Variants in RPRD1B observed in about 807,000 individuals in gnomAD.
RPRD1B encodes the protein regulation of nuclear pre-mRNA domain-containing protein 1B.
RPRD1B carries 11 observed loss-of-function variants against 41.5 expected under a neutral mutation model. That is an observed-to-expected ratio of 0.27 (90% CI 0.17 to 0.44). The LOEUF is 0.44. Ranked by LOEUF, RPRD1B falls within the 20% of genes least tolerant of loss-of-function variation. The pLI is 1.00. For missense variants in RPRD1B, 248 were observed against 389.9 expected (o/e 0.64, Z 3.06); for synonymous variants, 158 against 155.6 (o/e 1.02, Z -0.12).
At chr20:38,079,350 T>G (rs976953723) in intron 6 of RPRD1B, among the ~76,000 whole-genome samples, 1 of 152,098 alleles carries the variant, frequency 6.6e-6, no homozygotes. Context: ...TACAGATAAT[T>G]TTGTCATCCA....
At chr20:38,056,592 C>G (rs1490460474) in intron 3 of RPRD1B, among the ~76,000 whole-genome samples, 2 of 151,936 alleles carry the variant, frequency 1.3e-5, no homozygotes, top group South Asian at 4.2e-4. Context: ...TGAGAGGGTA[C>G]CTGTGTGGTG....
chr20:38,073,535 G>T (rs2074431425), intron 6 of RPRD1B, among the ~76,000 whole-genome samples: 1 of 152,212 alleles, frequency 6.6e-6, no homozygotes, highest in Admixed American at 6.5e-5. Context: ...TTTGGCTACA[G>T]TTGAAGGGGT....
intron 6 of RPRD1B, among the ~76,000 whole-genome samples, chr20:38,076,980 G>T (rs748580853): frequency 1.5e-5 from 2 of 129,532 alleles, no homozygotes; most frequent in African/African-American, 3.1e-5. Flanking sequence ...GCAGTGGTGC[G>T]ATCTGGACTC....
intron 6 of RPRD1B, among the ~76,000 whole-genome samples, chr20:38,074,363 GA>G (rs987732200): frequency 6.6e-6 from 1 of 152,098 alleles, no homozygotes; most frequent in African/African-American, 2.4e-5. Context: ...ATTACAATGT[GA>G]AACCTATGAT....
intron 3 of RPRD1B, among the ~76,000 whole-genome samples, chr20:38,053,869 A>G (rs1442872147): frequency 6.6e-6 from 1 of 152,216 alleles, no homozygotes; most frequent in Admixed American, 6.5e-5. Flanking sequence ...AGTATACGGA[A>G]GGATGTGTGC....
Position 38,092,005 on chromosome 20 carries a change from TCTG to T in RPRD1B, c.*2134_*2136del. 1 of 985,858 alleles carries T rather than the reference TCTG, an allele frequency of 1.0e-6. No homozygotes were observed. The highest frequency in any genetic ancestry group is 1.2e-6 in the Non-Finnish European group (1 of 829,904). The allele number at this position is 985,858 out of a possible 1,614,324, so 61.1% of individuals were successfully genotyped here. ...ATGCTTTCGTTTTTTAAATCTTAAT[TCTG>T]CTGTCCACATCCTCCCAAAGTGTGC... On this transcript the variant is annotated 3_prime_UTR_variant, in exon 7 of 7. Coordinates refer to ENST00000373433, the MANE Select transcript of RPRD1B (RefSeq NM_021215.4).
intron 6 of RPRD1B, among the ~76,000 whole-genome samples, chr20:38,079,842 C>T (rs2074497913): frequency 6.6e-6 from 1 of 152,186 alleles, no homozygotes; most frequent in Non-Finnish European, 1.5e-5. Context: ...TTCTCACTAG[C>T]CCTTTATAAG....
intron 5 of RPRD1B, among the ~76,000 whole-genome samples, chr20:38,062,470 C>G (rs2074307880): frequency 6.6e-6 from 1 of 152,186 alleles, no homozygotes; most frequent in African/African-American, 2.4e-5. Context: ...ATAGGCATTT[C>G]AAGCTTACTC....
chr20:38,087,492 A>G (rs2074572936), intron 6 of RPRD1B, among the ~76,000 whole-genome samples: 2 of 152,286 alleles, frequency 1.3e-5, no homozygotes, highest in Admixed American at 1.3e-4. Flanking sequence ...CTAGTTGCCA[A>G]GAGTGGTTGG....
chr20:38,058,155 G>A (rs549626191), intron 4 of RPRD1B, among the ~76,000 whole-genome samples: 1 of 152,150 alleles, frequency 6.6e-6, no homozygotes, highest in Non-Finnish European at 1.5e-5. Flanking sequence ...CTAAATGAAA[G>A]AAGTTGGGCA....
At chr20:38,045,760 T>A (rs2074114603) in intron 2 of RPRD1B, among the ~76,000 whole-genome samples, 1 of 152,198 alleles carries the variant, frequency 6.6e-6, no homozygotes, top group African/African-American at 2.4e-5. Flanking sequence ...TCTCTTTCTT[T>A]TAAGCGAACA....
intron 4 of RPRD1B, among the ~76,000 whole-genome samples, chr20:38,058,105 G>A (rs1046348032): frequency 2.6e-5 from 4 of 152,062 alleles, no homozygotes; most frequent in African/African-American, 7.3e-5. Context: ...CTTTACCCAT[G>A]TGTTTGTGTT....
intron 6 of RPRD1B, among the ~76,000 whole-genome samples, chr20:38,076,671 C>T (rs374009648): frequency 3.9e-5 from 6 of 151,920 alleles, no homozygotes; most frequent in African/African-American, 1.5e-4. Context: ...ACCCCTGCCC[C>T]CAGTGGTCTA....
chr20:38,051,959 C>CAGG (rs1357197112), intron 3 of RPRD1B, among the ~76,000 whole-genome samples: 1 of 152,152 alleles, frequency 6.6e-6, no homozygotes, highest in African/African-American at 2.4e-5. Flanking sequence ...CCATGTTGGT[C>CAGG]AGGCTGGTCC....
chr20:38,071,030 C>T (rs1387688540), intron 6 of RPRD1B, among the ~76,000 whole-genome samples: 1 of 152,184 alleles, frequency 6.6e-6, no homozygotes, highest in East Asian at 1.9e-4. Flanking sequence ...CCATGCCTGG[C>T]CTTAACTGTG....
At chr20:38,045,766 G>A (rs544326962) in intron 2 of RPRD1B, among the ~76,000 whole-genome samples, 4 of 152,260 alleles carry the variant, frequency 2.6e-5, no homozygotes, top group East Asian at 1.9e-4. Flanking sequence ...TCTTTTAAGC[G>A]AACAGAGAAT....
rs1055810018 is a variant in RPRD1B, at chr20:38,090,462, A to G, written c.*587A>G. On this transcript the variant is annotated 3_prime_UTR_variant, in exon 7 of 7. Transcript: ENST00000373433. ...TGATGCACGAAGATTAGGTGCATTT[A>G]TTTTGTAAACAGATTGGAGAATCTA... 2.0e-6 allele frequency: 2 copies of G among 985,878 alleles called. No individual in the cohort carries two copies. The highest frequency in any genetic ancestry group is 3.5e-5 in the African/African-American group (2 of 57,242). 61.1% of individuals were successfully genotyped at this position (985,878 alleles called of 1,614,324 possible). A position where few individuals can be genotyped will look rare whatever the true frequency, so the allele number is the denominator to read the frequency against.
intron 3 of RPRD1B, among the ~76,000 whole-genome samples, chr20:38,050,750 A>G (rs1317755951): frequency 1.3e-5 from 2 of 152,214 alleles, no homozygotes; most frequent in Non-Finnish European, 2.9e-5. Flanking sequence ...GTCTAGACAG[A>G]CATTAACAAT....
rs532849256 is a variant in RPRD1B at position 38,065,991 on chromosome 20, G to T, written c.656-90G>T. On this transcript the variant is annotated intron_variant, in intron 5 of 6. Coordinates refer to ENST00000373433, the MANE Select transcript of RPRD1B (RefSeq NM_021215.4). ...TATTCTCAGACTCTGTATATTGGGA[G>T]AGAAACCGTTAACCTCCCCCAGAAA... 5.4e-6 allele frequency: 7 copies of T among 1,301,108 alleles called. No individual in the cohort carries two copies. The East Asian group carries it at 1.4e-4, about 26-fold the overall frequency. 80.6% of individuals were successfully genotyped at this position (1,301,108 alleles called of 1,614,324 possible). A position where few individuals can be genotyped will look rare whatever the true frequency, so the allele number is the denominator to read the frequency against.
Sources: allele counts gnomAD v4.1 joint callset (sites outside exome capture counted in the v4.1 genomes callset), GRCh38; gene constraint gnomAD v4.1.1; transcripts MANE v1.5; gene names NCBI Gene and HGNC (gene_info 2026-07-23, HGNC 2026-07-21).